FRMD4A: variants seen among roughly 807,000 people sequenced by gnomAD.
FRMD4A encodes FERM domain containing 4A, also known as FERM domain-containing protein 4A.
In FRMD4A, 29 loss-of-function variants were observed where a neutral mutation model predicts 129.1. The observed-to-expected ratio is 0.22, with a 90% CI of 0.17 to 0.31. The LOEUF is 0.31. Among genes scored for constraint, FRMD4A ranks in the 10% least tolerant of loss-of-function variants. The pLI is 1.00. For synonymous variants in FRMD4A, 634 were observed against 571.6 expected, an observed-to-expected ratio of 1.11 and a Z score of -1.56; for missense variants, 1,272 against 1,375.8, an observed-to-expected ratio of 0.92 and a Z score of 1.19.
intron 2 of FRMD4A, among the ~76,000 whole-genome samples, chr10:14,264,035 C>T (rs899223495): frequency 2.0e-5 from 3 of 152,172 alleles, no homozygotes; most frequent in East Asian, 1.9e-4. Context: ...TGCTAAGATT[C>T]GCTCCCAGAG....
At chr10:13,683,419 T>TA (rs1230005294) in intron 15 of FRMD4A, among the ~76,000 whole-genome samples, 2,494 of 134,946 alleles carry the variant, frequency 0.018, 52 homozygotes, top group African/African-American at 0.052. Flanking sequence ...ACCCTATCTG[T>TA]AAAAAAAAAA....
chr10:14,287,900 A>G (rs1460492325), intron 2 of FRMD4A, among the ~76,000 whole-genome samples: 2 of 152,158 alleles, frequency 1.3e-5, no homozygotes, highest in South Asian at 2.1e-4. Context: ...TAACTTCAGA[A>G]TTGACAAAAC....
intron 2 of FRMD4A, among the ~76,000 whole-genome samples, chr10:14,165,466 G>C (rs1468466109): frequency 6.6e-6 from 1 of 152,142 alleles, no homozygotes; most frequent in Non-Finnish European, 1.5e-5. Context: ...ATTTCTCAAA[G>C]AACTAAAAAT....
chr10:13,885,848 C>G (rs549506404), intron 2 of FRMD4A, among the ~76,000 whole-genome samples: 14 of 152,338 alleles, frequency 9.2e-5, no homozygotes, highest in Middle Eastern at 6.8e-3. Context: ...AGGCCGAACA[C>G]TGCTCCCCAT....
chr10:13,798,580 A>G (rs772883279), intron 4 of FRMD4A, among the ~76,000 whole-genome samples: 7 of 151,356 alleles, frequency 4.6e-5, no homozygotes, highest in Non-Finnish European at 1.0e-4. Flanking sequence ...AGCCGGGCAT[A>G]GTGGCAGGCG....
intron 2 of FRMD4A, among the ~76,000 whole-genome samples, chr10:13,946,374 C>G (rs574335410): frequency 6.6e-6 from 1 of 152,296 alleles, no homozygotes; most frequent in Non-Finnish European, 1.5e-5. Flanking sequence ...AGTCAGCGAA[C>G]GCTAGAGACT....
At chr10:14,309,546 GA>G (rs553272162) in intron 2 of FRMD4A, among the ~76,000 whole-genome samples, 9 of 152,260 alleles carry the variant, frequency 5.9e-5, no homozygotes, top group Admixed American at 5.9e-4. Context: ...TTAAGGCTCT[GA>G]AACATGGATT....
chr10:14,103,373 C>G (rs1421411316), intron 2 of FRMD4A, among the ~76,000 whole-genome samples: 19 of 152,060 alleles, frequency 1.2e-4, no homozygotes, highest in Admixed American at 1.2e-3. Flanking sequence ...TCTCTTTTTC[C>G]TACTGCAGCC....
chr10:14,292,390 T>C (rs1162021905), intron 2 of FRMD4A, among the ~76,000 whole-genome samples: 1 of 152,158 alleles, frequency 6.6e-6, no homozygotes, highest in Non-Finnish European at 1.5e-5. Context: ...ATCAGGAAAA[T>C]GACAGACAAT....
intron 2 of FRMD4A, among the ~76,000 whole-genome samples, chr10:14,244,531 T>A (rs977328355): frequency 2.6e-5 from 4 of 152,222 alleles, no homozygotes; most frequent in Non-Finnish European, 4.4e-5. Flanking sequence ...TATATTATAA[T>A]TTGATGTGAT....
chr10:14,123,429 T>G (rs11258877), intron 2 of FRMD4A, among the ~76,000 whole-genome samples: 3 of 152,164 alleles, frequency 2.0e-5, no homozygotes, highest in Non-Finnish European at 4.4e-5. Context: ...GGGCAAGAGA[T>G]AGCTTCATGA....
intron 2 of FRMD4A, among the ~76,000 whole-genome samples, chr10:14,155,854 ATTCT>A (rs888570426): frequency 2.0e-5 from 3 of 152,222 alleles, no homozygotes; most frequent in African/African-American, 7.2e-5. Context: ...ATAGAAACAC[ATTCT>A]TTCTTTTTTG....
At chr10:14,011,396 A>G (rs935597001) in intron 2 of FRMD4A, among the ~76,000 whole-genome samples, 1 of 152,182 alleles carries the variant, frequency 6.6e-6, no homozygotes, top group Non-Finnish European at 1.5e-5. Flanking sequence ...CCGAGTTATT[A>G]GAGCCAGGGG....
intron 3 of FRMD4A, among the ~76,000 whole-genome samples, chr10:13,843,910 T>C (rs2130985329): frequency 6.6e-6 from 1 of 152,354 alleles, no homozygotes; most frequent in East Asian, 1.9e-4. Context: ...AAGGAGCCTC[T>C]AGAACTTACC....
chr10:13,707,331 T>C, intron 12 of FRMD4A: 1 of 1,228,708 alleles, frequency 8.1e-7, no homozygotes, highest in Non-Finnish European at 1.0e-6. Flanking sequence ...TGGATTTTCC[T>C]GCAGGTTCCT....
At chr10:13,807,761 T>C (rs796945761) in intron 4 of FRMD4A, among the ~76,000 whole-genome samples, 39 of 152,158 alleles carry the variant, frequency 2.6e-4, no homozygotes, top group African/African-American at 9.1e-4. Flanking sequence ...TCTCTGACAA[T>C]ATATGACCTA....
intron 2 of FRMD4A, among the ~76,000 whole-genome samples, chr10:13,953,537 A>G (rs1254178709): frequency 6.6e-6 from 1 of 151,850 alleles, no homozygotes; most frequent in Non-Finnish European, 1.5e-5. Flanking sequence ...TGGGACATGG[A>G]CCCTCCCTTT....
At chr10:14,060,747 G>A (rs561833197) in intron 2 of FRMD4A, among the ~76,000 whole-genome samples, 5 of 152,174 alleles carry the variant, frequency 3.3e-5, no homozygotes, top group Non-Finnish European at 7.3e-5. Context: ...GAAGAAGATG[G>A]ATTATTTGAT....
chr10:13,995,122 T>C (rs571120043), intron 2 of FRMD4A, among the ~76,000 whole-genome samples: 8 of 152,326 alleles, frequency 5.3e-5, no homozygotes, highest in African/African-American at 1.2e-4. Flanking sequence ...CACTCTAAGA[T>C]ACATGAGACA....
Sources: gnomAD v4.1 joint callset for allele counts (sites outside exome capture counted in the v4.1 genomes callset) on GRCh38, gnomAD v4.1.1 for gene constraint, MANE v1.5 for transcripts, NCBI Gene and HGNC (gene_info 2026-07-23, HGNC 2026-07-21) for gene names.